Variants in GMDS observed in about 807,000 individuals in gnomAD.
GMDS encodes the protein GDP-mannose 4,6 dehydratase.
In GMDS, 20 loss-of-function variants were observed where a neutral mutation model predicts 49.9. That is an observed-to-expected ratio of 0.40 (90% CI 0.28 to 0.58). The LOEUF (loss-of-function observed/expected upper bound fraction) is 0.58. Among genes scored for constraint, GMDS ranks in the 20% least tolerant of loss-of-function variants. The pLI is 0.42. For synonymous variants in GMDS, 177 were observed against 178.6 expected (o/e 0.99, Z 0.07); for missense variants, 362 against 481.4 (o/e 0.75, Z 2.32).
At chr6:2,201,484 G>A (rs1424747126) in intron 1 of GMDS, among the ~76,000 whole-genome samples, 4 of 124,998 alleles carry the variant, frequency 3.2e-5, no homozygotes, top group African/African-American at 1.2e-4. Flanking sequence ...CATCTAGGCA[G>A]TGAGGGCAGC....
intron 1 of GMDS, among the ~76,000 whole-genome samples, chr6:2,135,695 C>T (rs1775960867): frequency 6.6e-6 from 1 of 151,970 alleles, no homozygotes; most frequent in Non-Finnish European, 1.5e-5. Flanking sequence ...CCAGCACTGG[C>T]CAACAGAAAT....
At chr6:1,771,263 GTTTC>G (rs769875961) in intron 7 of GMDS, among the ~76,000 whole-genome samples, 8 of 152,124 alleles carry the variant, frequency 5.3e-5, no homozygotes, top group Non-Finnish European at 8.8e-5. Flanking sequence ...TGTGCTGGGG[GTTTC>G]TTTGTCTTCT....
At chr6:1,904,651 G>C (rs2025342) in intron 7 of GMDS, among the ~76,000 whole-genome samples, 145,030 of 152,300 alleles carry the variant, frequency 0.95, 69,228 homozygotes, top group Middle Eastern at 0.99. Context: ...ACAGTGACTC[G>C]CCGGCTCCCA....
intron 9 of GMDS, among the ~76,000 whole-genome samples, chr6:1,633,759 C>T (rs1326843035): frequency 1.3e-5 from 2 of 152,090 alleles, no homozygotes; most frequent in African/African-American, 4.8e-5. Context: ...CCCATGACCA[C>T]GAGGCTGGGA....
intron 4 of GMDS, among the ~76,000 whole-genome samples, chr6:2,084,262 T>C (rs1320513238): frequency 6.6e-6 from 1 of 152,070 alleles, no homozygotes; most frequent in African/African-American, 2.4e-5. Context: ...GTTTGAGAGG[T>C]TTGAGGGAGA....
At chr6:1,809,351 G>A (rs111710249) in intron 7 of GMDS, among the ~76,000 whole-genome samples, 7 of 152,158 alleles carry the variant, frequency 4.6e-5, no homozygotes, top group South Asian at 2.1e-4. Flanking sequence ...GGGAGCTCAC[G>A]TGGTTCCCCA....
At position 1,882,772 on chromosome 6, in the gene GMDS, T is replaced by A. The variant is rs966368119; in HGVS notation, c.771+47331A>T. Among the ~76,000 whole-genome samples the A allele has an allele frequency of 2.6e-5, 4 of 152,214 alleles. No homozygotes were observed. In the East Asian group the frequency reaches 7.7e-4, roughly 29 times the overall value. ...ACATCATATTGTCTTGAAGTCATTA[T>A]CTAATGGATTTATAAGGATAAGGCA... On this transcript the variant is annotated intron_variant, in intron 7 of 10. Transcript: ENST00000380815.
chr6:2,090,301 T>A (rs1451885085), intron 4 of GMDS, among the ~76,000 whole-genome samples: 1 of 152,162 alleles, frequency 6.6e-6, no homozygotes. Context: ...CCAAATCCGA[T>A]GGTAAAGAGT....
At chr6:1,865,395 C>T (rs1332796974) in intron 7 of GMDS, among the ~76,000 whole-genome samples, 1 of 152,086 alleles carries the variant, frequency 6.6e-6, no homozygotes, top group Non-Finnish European at 1.5e-5. Flanking sequence ...TATCTGTTGT[C>T]TTCTATTTCT....
chr6:2,058,232 C>T (rs1770892038), intron 4 of GMDS, among the ~76,000 whole-genome samples: 1 of 151,716 alleles, frequency 6.6e-6, no homozygotes, highest in Non-Finnish European at 1.5e-5. Flanking sequence ...GTGGCATGTA[C>T]CTGTAATTCC....
chr6:2,198,395 G>A (rs920137992), intron 1 of GMDS, among the ~76,000 whole-genome samples: 3 of 152,078 alleles, frequency 2.0e-5, no homozygotes, highest in Non-Finnish European at 4.4e-5. Flanking sequence ...TTTGAGAAAG[G>A]GTTTGAGGAA....
chr6:2,201,908 G>A (rs1403611919), intron 1 of GMDS, among the ~76,000 whole-genome samples: 2 of 136,162 alleles, frequency 1.5e-5, no homozygotes, highest in Non-Finnish European at 3.2e-5. Context: ...TTAGCAGGGA[G>A]GTGAAGGATG....
At chr6:1,902,784 C>T (rs1007911720) in intron 7 of GMDS, among the ~76,000 whole-genome samples, 15 of 152,142 alleles carry the variant, frequency 9.9e-5, no homozygotes, top group African/African-American at 3.6e-4. Context: ...ACTCTGATCA[C>T]TCAAATTAAA....
chr6:2,149,231 A>G (rs771064631), intron 1 of GMDS, among the ~76,000 whole-genome samples: 15 of 152,342 alleles, frequency 9.8e-5, no homozygotes, highest in East Asian at 3.9e-4. Context: ...TATTAATTGG[A>G]AAAATCATTG....
chr6:2,232,180 A>G (rs1311234112), intron 1 of GMDS, among the ~76,000 whole-genome samples: 1 of 151,292 alleles, frequency 6.6e-6, no homozygotes, highest in African/African-American at 2.4e-5. Flanking sequence ...ATACTGTGAT[A>G]GCAGACAGCA....
At chr6:1,885,053 G>A (rs1292826002) in intron 7 of GMDS, among the ~76,000 whole-genome samples, 1 of 152,160 alleles carries the variant, frequency 6.6e-6, no homozygotes. Context: ...AAGCAATCTG[G>A]CACCTCTCCT....
chr6:1,687,237 C>T (rs1285934211), intron 9 of GMDS, among the ~76,000 whole-genome samples: 1 of 152,196 alleles, frequency 6.6e-6, no homozygotes, highest in East Asian at 1.9e-4. Context: ...TCAACTACAG[C>T]AACACCCCCA....
chr6:1,630,741 G>C (rs1304165075), intron 9 of GMDS, among the ~76,000 whole-genome samples: 2 of 152,210 alleles, frequency 1.3e-5, no homozygotes, highest in African/African-American at 4.8e-5. Context: ...TGCAATCGTG[G>C]AGTTAATTTT....
At chr6:2,142,219 TAAC>T (rs1581705748) in intron 1 of GMDS, among the ~76,000 whole-genome samples, 1 of 152,212 alleles carries the variant, frequency 6.6e-6, no homozygotes, top group East Asian at 1.9e-4. Flanking sequence ...TAAATAACAA[TAAC>T]AACAATACCT....
Sources: allele counts gnomAD v4.1 joint callset (sites outside exome capture counted in the v4.1 genomes callset), GRCh38; gene constraint gnomAD v4.1.1; transcripts MANE v1.5; gene names NCBI Gene and HGNC (gene_info 2026-07-23, HGNC 2026-07-21).